HOGA1: variants seen among roughly 807,000 people sequenced by gnomAD.
HOGA1 encodes 4-hydroxy-2-oxoglutarate aldolase 1, also known as 4-hydroxy-2-oxoglutarate aldolase, mitochondrial.
Under a neutral mutation model 34.3 loss-of-function variants are expected in HOGA1, and 30 were observed. That is an observed-to-expected ratio of 0.87 (90% CI 0.65 to 1.19). The LOEUF is 1.19. Among genes scored for constraint, HOGA1 ranks in the 50% most tolerant of loss-of-function variants. HOGA1 has a pLI of 0.00. For missense variants in HOGA1, 417 were observed against 436.5 expected, an observed-to-expected ratio of 0.96 and a Z score of 0.40; for synonymous variants, 161 against 174.0, an observed-to-expected ratio of 0.93 and a Z score of 0.59.
At position 97,612,086 on chromosome 10, in the gene HOGA1, G is replaced by A. The variant is rs181759217; in HGVS notation, c.*427G>A. On this transcript the variant is annotated 3_prime_UTR_variant, in exon 7 of 7. Coordinates refer to ENST00000370646, the MANE Select transcript of HOGA1 (RefSeq NM_138413.4). ...GGCTGGAGTGCAATGGCATGATCTC[G>A]CCTCCTGGGTTCAAGCGATTCTCCT... 9.9e-5 allele frequency: 16 copies of A among 161,330 alleles called. No individual in the cohort carries two copies. The East Asian group carries it at 1.4e-3, about 15-fold the overall frequency. 10.0% of individuals were successfully genotyped at this position (161,330 alleles called of 1,614,324 possible).
intron 1 of HOGA1, among the ~76,000 whole-genome samples, chr10:97,585,791 T>C (rs555737856): frequency 1.1e-4 from 17 of 152,358 alleles, no homozygotes; most frequent in African/African-American, 4.1e-4. Context: ...GAGTGTCTGG[T>C]CAGCACTAGC....
intron 3 of HOGA1, 116 bp from the exon 4 acceptor site, chr10:97,599,564 C>CCTGT (rs2041099682): frequency 7.6e-7 from 1 of 1,320,352 alleles, no homozygotes; most frequent in Admixed American, 1.7e-5. Flanking sequence ...GGGAGGGAGG[C>CCTGT]CTGTCCAGGT....
chr10:97,588,872 C>A (rs1345525463), intron 1 of HOGA1, among the ~76,000 whole-genome samples: 1 of 151,916 alleles, frequency 6.6e-6, no homozygotes, highest in Admixed American at 6.6e-5. Flanking sequence ...GGGCTAGATG[C>A]TTTTGAGGGG....
At chr10:97,602,990 C>T (rs943099912) in intron 6 of HOGA1, among the ~76,000 whole-genome samples, 1 of 151,990 alleles carries the variant, frequency 6.6e-6, no homozygotes, top group Non-Finnish European at 1.5e-5. Context: ...CAGTGCCCGG[C>T]CTATTCTTTT....
At chr10:97,593,474 C>T (rs555784175) in intron 1 of HOGA1, among the ~76,000 whole-genome samples, 66 of 151,632 alleles carry the variant, frequency 4.4e-4, no homozygotes, top group African/African-American at 1.6e-3. Flanking sequence ...CAGACTCTGT[C>T]TCAAAAAAAA....
intron 3 of HOGA1, 131 bp downstream of exon 3, chr10:97,599,347 G>A: frequency 4.5e-6 from 5 of 1,108,540 alleles, no homozygotes; most frequent in Non-Finnish European, 6.6e-6. Context: ...TGGATCAGCT[G>A]CACGACATTG....
Position 97,611,520 on chromosome 10 carries a change from G to A in HOGA1, c.845G>A (p.Arg282His), listed in dbSNP as rs779027672. 7 of 1,614,124 alleles carry A rather than the reference G, an allele frequency of 4.3e-6. No individual in the cohort carries two copies. The East Asian group carries it at 6.7e-5, about 15-fold the overall frequency. ...GGCCCTGCTTTGCAGGTGACCCGGCGCTTTGGGATCCCAGGGCTGAAGAAA... is the reference window on the plus strand; with the variant it reads ...GGCCCTGCTTTGCAGGTGACCCGGCACTTTGGGATCCCAGGGCTGAAGAAA... ...LIEPNAAVTR[R>H]FGIPGLKKIM... The change falls in exon 7 of 7, where the codon CGC becomes CAC. Residue 282 changes from arginine to histidine, a missense_variant. Coordinates refer to ENST00000370646, the MANE Select transcript of HOGA1 (RefSeq NM_138413.4).
intron 6 of HOGA1, among the ~76,000 whole-genome samples, chr10:97,604,183 T>C (rs981271101): frequency 6.6e-6 from 1 of 152,252 alleles, no homozygotes; most frequent in Non-Finnish European, 1.5e-5. Context: ...TCACATGGTA[T>C]ATAACTTTTG....
intron 1 of HOGA1, chr10:97,590,696 T>C (rs577869735): frequency 3.6e-4 from 316 of 869,336 alleles, no homozygotes; most frequent in African/African-American, 1.6e-3. Flanking sequence ...TGAGATGCTG[T>C]GCCCAAATCC....
intron 3 of HOGA1, 189 bp from the exon 4 acceptor site, chr10:97,599,491 C>T: frequency 2.5e-6 from 2 of 804,032 alleles, no homozygotes; most frequent in Admixed American, 1.9e-5. Context: ...CTGTGCGTGG[C>T]ATATGGAAAG....
intron 1 of HOGA1, among the ~76,000 whole-genome samples, chr10:97,591,864 AGT>A (rs2041027878): frequency 1.2e-5 from 1 of 85,896 alleles, no homozygotes; most frequent in African/African-American, 4.5e-5. Flanking sequence ...TGTGTGACAG[AGT>A]CTCGCTTCAT....
At chr10:97,599,501 G>C in intron 3 of HOGA1, 179 bp from the exon 4 acceptor site, 1 of 838,464 alleles carries the variant, frequency 1.2e-6, no homozygotes, top group East Asian at 2.4e-5. Context: ...CATATGGAAA[G>C]CACTCCATAA....
Position 97,598,322 on chromosome 10 carries a change from A to C in HOGA1, c.212-453A>C, listed in dbSNP as rs377459503. Among the ~76,000 whole-genome samples the C allele has an allele frequency of 7.9e-4, 121 of 152,368 alleles. 1 individual carries two copies. Among genetic ancestry groups the C allele is most frequent in the African/African-American group, 2.4e-3 (100 of 41,580 alleles). Reference sequence around the variant, plus strand: ...AAACATTCTAAATGCTCTCAACAAGAGAATGACAAATAAATTGTGTTCTAA... The same window carrying C: ...AAACATTCTAAATGCTCTCAACAAGCGAATGACAAATAAATTGTGTTCTAA... On this transcript the variant is annotated intron_variant, in intron 1 of 6. Coordinates refer to ENST00000370646, the MANE Select transcript of HOGA1 (RefSeq NM_138413.4).
intron 1 of HOGA1, chr10:97,589,780 C>A: frequency 1.3e-6 from 1 of 745,460 alleles, no homozygotes; most frequent in South Asian, 1.7e-5. Flanking sequence ...GATCACCCAG[C>A]GTGCTCTTAG....
Position 97,611,166 on chromosome 10 carries a change from A to G in HOGA1, c.835-344A>G, listed in dbSNP as rs567016098. 1.7e-3 allele frequency among the ~76,000 whole-genome samples: 257 copies of G among 152,254 alleles called. 1 individual carries two copies. The highest frequency in any genetic ancestry group is 4.6e-3 in the South Asian group (22 of 4,820). Reference sequence around the variant, plus strand: ...CAGGTTTCAGGGAGCTGGGCTGCAGACTGCTGATGCTCTAGTGCCTAGACC... The same window carrying G: ...CAGGTTTCAGGGAGCTGGGCTGCAGGCTGCTGATGCTCTAGTGCCTAGACC... On this transcript the variant is annotated intron_variant, in intron 6 of 6. Transcript: ENST00000370646.
chr10:97,599,961 T>G, intron 4 of HOGA1, 106 bp from the exon 5 acceptor site: 1 of 1,491,176 alleles, frequency 6.7e-7, no homozygotes. Context: ...GGGACTTTCT[T>G]GAGGGCATCT....
At chr10:97,601,391 G>A (rs2041115296) in intron 5 of HOGA1, among the ~76,000 whole-genome samples, 1 of 152,130 alleles carries the variant, frequency 6.6e-6, no homozygotes, top group African/African-American at 2.4e-5. Flanking sequence ...ACCTGACTCT[G>A]TCCAGAGTGC....
intron 6 of HOGA1, among the ~76,000 whole-genome samples, chr10:97,605,431 C>A (rs531177041): frequency 6.0e-5 from 9 of 151,098 alleles, no homozygotes; most frequent in Admixed American, 5.3e-4. Flanking sequence ...AACAAAAAAC[C>A]AAAACAAACA....
chr10:97,600,369 G>A, intron 5 of HOGA1: 1 of 634,062 alleles, frequency 1.6e-6, no homozygotes. Context: ...GCTGAAGGAG[G>A]ATGGCCGTGT....
Sources: gnomAD v4.1 joint callset for allele counts (sites outside exome capture counted in the v4.1 genomes callset) on GRCh38, gnomAD v4.1.1 for gene constraint, MANE v1.5 for transcripts, NCBI Gene and HGNC (gene_info 2026-07-23, HGNC 2026-07-21) for gene names.